The following TMEM229B variants were observed in gnomAD, a reference collection of about 807,000 sequenced individuals.
TMEM229B encodes the protein transmembrane protein 229B.
TMEM229B carries 6 observed loss-of-function variants against 13.7 expected under a neutral mutation model. That is an observed-to-expected ratio of 0.44 (90% CI 0.24 to 0.86). The LOEUF (loss-of-function observed/expected upper bound fraction) is 0.86. Among genes scored for constraint, TMEM229B ranks in the 40% least tolerant of loss-of-function variants. The probability of loss-of-function intolerance (pLI) is 0.23; values close to 1 mark genes in which losing one functional copy is unlikely to be tolerated. For synonymous variants in TMEM229B, 107 were observed against 102.1 expected (o/e 1.05, Z -0.29); for missense variants, 170 against 236.0 (o/e 0.72, Z 1.83).
intron 1 of TMEM229B, among the ~76,000 whole-genome samples, chr14:67,497,491 G>T (rs1169444667): frequency 6.6e-6 from 1 of 152,140 alleles, no homozygotes; most frequent in African/African-American, 2.4e-5. Context: ...CTTACAAGTG[G>T]ACACCTGGAA....
At position 67,473,785 on chromosome 14, in the gene TMEM229B, C is replaced by T; in HGVS notation, c.139G>A (p.Val47Met). ...LNWKFPGVTS[V>M]WALFIYGTSI... ...GTGCCGTAGATGAAGAGGGCCCACA[C>T]GCTCGTGACCCCAGGGAACTTCCAG... Residue 47 changes from valine to methionine, a missense_variant, in exon 3 of 3, where the codon GTG becomes ATG. By Grantham distance (21) the Val-to-Met change is conservative. This residue lies in a region of TMEM229B where 36 missense variants were observed against 83.8 expected (regional missense o/e 0.43). Transcript: ENST00000554480. This position sits in a 1 kb window ranked among gnomAD's most constrained non-coding sequence, Gnocchi z 6.5. 1 of 1,613,978 alleles carries T rather than the reference C, an allele frequency of 6.2e-7. No homozygotes were observed. Among genetic ancestry groups the T allele is most frequent in the Non-Finnish European group, 8.5e-7 (1 of 1,179,972 alleles).
At chr14:67,483,292 C>T (rs981244223) in intron 2 of TMEM229B, among the ~76,000 whole-genome samples, 2 of 152,122 alleles carry the variant, frequency 1.3e-5, no homozygotes. Flanking sequence ...ATTATAGGCA[C>T]GAGTCACCAC....
At chr14:67,514,870 A>G (rs1420605354) in intron 1 of TMEM229B, among the ~76,000 whole-genome samples, 2 of 151,988 alleles carry the variant, frequency 1.3e-5, no homozygotes, top group African/African-American at 2.4e-5. Flanking sequence ...CGGGCGCACC[A>G]CCTATCTAAT....
At chr14:67,474,065 A>G in intron 2 of TMEM229B, 124 bp from the exon 3 acceptor site, 1 of 1,093,578 alleles carries the variant, frequency 9.1e-7, no homozygotes. Flanking sequence ...CAGCCTGGCC[A>G]TCATGGTGAA....
intron 1 of TMEM229B, among the ~76,000 whole-genome samples, chr14:67,493,954 C>T (rs1215557508): frequency 6.6e-6 from 1 of 152,066 alleles, no homozygotes; most frequent in Non-Finnish European, 1.5e-5. Flanking sequence ...GTGACAGTTG[C>T]TGTCTGCTCT....
intron 1 of TMEM229B, among the ~76,000 whole-genome samples, chr14:67,501,866 A>G (rs1308235745): frequency 1.3e-5 from 2 of 152,232 alleles, no homozygotes; most frequent in African/African-American, 2.4e-5. Flanking sequence ...TCACGTTTCT[A>G]TGGTGACATC....
chr14:67,504,694 G>A (rs1293876735), intron 1 of TMEM229B, among the ~76,000 whole-genome samples: 1 of 152,188 alleles, frequency 6.6e-6, no homozygotes, highest in Non-Finnish European at 1.5e-5. Flanking sequence ...AGACCAGCCT[G>A]GCCAACTTGG....
upstream of TMEM229B, among the ~76,000 whole-genome samples, chr14:67,493,713 T>C (rs950740004): frequency 2.6e-5 from 4 of 152,082 alleles, no homozygotes; most frequent in South Asian, 8.3e-4. Context: ...GGTTCAGGGA[T>C]GGATACATGC....
chr14:67,519,329 C>T (rs1265186218), upstream of TMEM229B, among the ~76,000 whole-genome samples: 1 of 152,216 alleles, frequency 6.6e-6, no homozygotes, highest in East Asian at 1.9e-4. Flanking sequence ...GCTGGCAAAA[C>T]AAGCTCGAAA....
chr14:67,519,126 G>A (rs930047490), upstream of TMEM229B, among the ~76,000 whole-genome samples: 3 of 152,156 alleles, frequency 2.0e-5, no homozygotes, highest in African/African-American at 7.2e-5. Flanking sequence ...TTGAAAATGG[G>A]GGAGTCTCTT....
chr14:67,475,522 T>C (rs2031131315), intron 2 of TMEM229B, among the ~76,000 whole-genome samples: 1 of 152,170 alleles, frequency 6.6e-6, no homozygotes, highest in Admixed American at 6.5e-5. Context: ...TGTACAAGGG[T>C]TCCAATTTCT....
At chr14:67,513,230 A>G (rs891344385) in intron 1 of TMEM229B, among the ~76,000 whole-genome samples, 3 of 152,190 alleles carry the variant, frequency 2.0e-5, no homozygotes, top group Non-Finnish European at 2.9e-5. Context: ...CATTATCCTC[A>G]GCTCCGAATA....
intron 1 of TMEM229B, among the ~76,000 whole-genome samples, chr14:67,524,314 A>G (rs936271384): frequency 1.3e-5 from 2 of 152,182 alleles, no homozygotes; most frequent in Admixed American, 1.3e-4. Context: ...ACTGGACCCC[A>G]ATCCCTGTCG....
chr14:67,516,750 C>T (rs2033209028), upstream of TMEM229B, among the ~76,000 whole-genome samples: 1 of 152,206 alleles, frequency 6.6e-6, no homozygotes, highest in South Asian at 2.1e-4. Context: ...AATTTCTAAG[C>T]CCATCCCCAT....
intron 1 of TMEM229B, among the ~76,000 whole-genome samples, chr14:67,503,994 G>A (rs532232786): frequency 2.0e-5 from 3 of 148,860 alleles, no homozygotes; most frequent in East Asian, 4.0e-4. Context: ...GAGCCACTGT[G>A]CCCAGCCTAT....
upstream of TMEM229B, among the ~76,000 whole-genome samples, chr14:67,493,703 G>A (rs970499158): frequency 6.6e-6 from 1 of 152,048 alleles, no homozygotes; most frequent in African/African-American, 2.4e-5. Context: ...TTCTGTGATT[G>A]GTTCAGGGAT....
chr14:67,486,378 G>A (rs923941419), intron 2 of TMEM229B, among the ~76,000 whole-genome samples: 17 of 152,180 alleles, frequency 1.1e-4, no homozygotes, highest in Non-Finnish European at 2.1e-4. Flanking sequence ...AGGTTCAAGC[G>A]ATTCTCCTGC....
chr14:67,501,959 G>A (rs1281888902), intron 1 of TMEM229B, among the ~76,000 whole-genome samples: 1 of 152,112 alleles, frequency 6.6e-6, no homozygotes, highest in Non-Finnish European at 1.5e-5. Flanking sequence ...AAAATCTTTT[G>A]GTTTTATAGT....
intron 2 of TMEM229B, among the ~76,000 whole-genome samples, chr14:67,476,116 G>T (rs1337342707): frequency 6.6e-6 from 1 of 152,190 alleles, no homozygotes; most frequent in South Asian, 2.1e-4. Context: ...CCCTCTCCAA[G>T]GTGGGAGAAA....
Sources: allele counts gnomAD v4.1 joint callset (sites outside exome capture counted in the v4.1 genomes callset), GRCh38; gene constraint gnomAD v4.1.1; regional missense constraint gnomAD v4.1.1; non-coding constraint Gnocchi (gnomAD v3.1); transcripts MANE v1.5; gene names NCBI Gene and HGNC (gene_info 2026-07-23, HGNC 2026-07-21).